ADGRD1: variants seen among roughly 807,000 people sequenced by gnomAD.
ADGRD1 encodes the protein adhesion G protein-coupled receptor D1, also known as G-protein coupled receptor 133.
A neutral mutation model predicts 113.4 loss-of-function variants in ADGRD1; 77 were observed. The observed-to-expected ratio is 0.68, with a 90% confidence interval of 0.57 to 0.82. The LOEUF is 0.82. Among genes scored for constraint, ADGRD1 ranks in the 40% least tolerant of loss-of-function variants. ADGRD1 has a pLI of 0.00. For missense variants in ADGRD1, 1,036 were observed against 1,139.1 expected (o/e 0.91, Z 1.30); for synonymous variants, 474 against 475.0 (o/e 1.00, Z 0.03).
intron 4 of ADGRD1, among the ~76,000 whole-genome samples, chr12:130,975,549 C>A (rs1186054097): frequency 1.3e-5 from 2 of 152,110 alleles, no homozygotes; most frequent in Admixed American, 6.5e-5. Context: ...AAGCATGTTG[C>A]TAGGAGGTAG....
chr12:131,033,719 G>GT (rs1881062980), intron 13 of ADGRD1, among the ~76,000 whole-genome samples: 1 of 152,200 alleles, frequency 6.6e-6, no homozygotes, highest in Admixed American at 6.5e-5. Context: ...GGATGTGGTG[G>GT]TTGCCAGGTC....
rs1566038802 is a variant in ADGRD1 at position 131,022,877 on chromosome 12, C to CGCGT, written c.1473+8539_1473+8540insGTGC. On this transcript the variant is annotated intron_variant, in intron 13 of 24. Transcript: ENST00000261654. This position sits in a 1 kb window ranked among gnomAD's most constrained non-coding sequence, Gnocchi z 4.6. ...GTGTGTGTGTGCTCTCAGAAGCACA[C>CGCGT]GCATGCACCTGCATCTTCCTGCATT... 125 of 151,806 alleles carry CGCGT rather than the reference C, an allele frequency of 8.2e-4. No homozygotes were observed. Among genetic ancestry groups the CGCGT allele is most frequent in the African/African-American group, 2.9e-3 (118 of 41,370 alleles). The allele number at this position is 151,806 out of a possible 1,614,324, so 9.4% of individuals were successfully genotyped here.
chr12:130,992,530 T>G (rs2030880), intron 8 of ADGRD1, 138 bp downstream of exon 8: 2 of 738,876 alleles, frequency 2.7e-6, no homozygotes, highest in Middle Eastern at 3.9e-4. Flanking sequence ...AGGCTTCTCA[T>G]GAACAACCAG....
chr12:131,120,010 G>A (rs1950554788), intron 19 of ADGRD1, among the ~76,000 whole-genome samples: 1 of 152,240 alleles, frequency 6.6e-6, no homozygotes, highest in African/African-American at 2.4e-5. Context: ...TGATCATAGC[G>A]CCCACCTCAG....
Position 131,123,714 on chromosome 12 carries a change from C to T in ADGRD1, c.2175+2801C>T, listed in dbSNP as rs955840937. On this transcript the variant is annotated intron_variant, in intron 20 of 24. Transcript: ENST00000261654. ...GCGGGTGCCTGTAGTCCCAGCTACT[C>T]GGGAGGCTGAGGCAGGAAAATGGCG... is the stretch of plus-strand genomic sequence containing the variant. Among the ~76,000 whole-genome samples the T allele has an allele frequency of 9.2e-5, 14 of 151,388 alleles. No homozygotes were observed. In the South Asian group the frequency reaches 1.5e-3, roughly 16 times the overall value.
chr12:131,138,287 T>C, intron 24 of ADGRD1, 58 bp downstream of exon 24: 1 of 1,478,580 alleles, frequency 6.8e-7, no homozygotes, highest in East Asian at 2.3e-5. Flanking sequence ...CCAGGCTCGG[T>C]TGTCAGCAGG....
At chr12:130,960,778 A>G (rs894341921) in intron 2 of ADGRD1, among the ~76,000 whole-genome samples, 2 of 152,154 alleles carry the variant, frequency 1.3e-5, no homozygotes, top group African/African-American at 4.8e-5. Context: ...ACACACAAAT[A>G]TACTAACAAA....
intron 8 of ADGRD1, among the ~76,000 whole-genome samples, chr12:130,995,925 C>T (rs1875242634): frequency 6.6e-6 from 1 of 151,688 alleles, no homozygotes; most frequent in African/African-American, 2.4e-5. Flanking sequence ...GACCCTGCGG[C>T]CTTCCGCAGT....
intron 20 of ADGRD1, among the ~76,000 whole-genome samples, chr12:131,123,189 C>T (rs1950646123): frequency 6.6e-6 from 1 of 151,454 alleles, no homozygotes; most frequent in Admixed American, 6.6e-5. Flanking sequence ...GGACTACAGG[C>T]AGGTGCCACC....
intron 2 of ADGRD1, among the ~76,000 whole-genome samples, chr12:130,958,283 T>A (rs1869912153): frequency 6.7e-6 from 1 of 148,838 alleles, no homozygotes; most frequent in Non-Finnish European, 1.5e-5. Flanking sequence ...CCCTGCAACC[T>A]CTGCCCCCTG....
chr12:130,986,930 G>C, intron 5 of ADGRD1, 165 bp from the exon 6 acceptor site: 1 of 613,876 alleles, frequency 1.6e-6, no homozygotes, highest in African/African-American at 1.8e-5. Flanking sequence ...TGCTCCAAAG[G>C]ACTGGGGAAA....
rs1274263460 is a variant in ADGRD1 at position 131,041,184 on chromosome 12, T to C, written c.1473+26844T>C. 6.6e-6 allele frequency among the ~76,000 whole-genome samples: 1 copy of C among 152,144 alleles called. No individual in the cohort carries two copies. The highest frequency in any genetic ancestry group is 6.5e-5 in the Admixed American group (1 of 15,286). On this transcript the variant is annotated intron_variant, in intron 13 of 24. Coordinates refer to ENST00000261654, the MANE Select transcript of ADGRD1 (RefSeq NM_198827.5). This position sits in a 1 kb window ranked among gnomAD's most constrained non-coding sequence, Gnocchi z 4.4. The stretch of plus-strand genomic sequence containing the variant: ...ACTGAGCACAGAAAATCGGGGGTCT[T>C]GGTGCTGGCCACTGGCGCAGAGAAT...
intron 24 of ADGRD1, 124 bp downstream of exon 24, chr12:131,138,353 T>C (rs1382167605): frequency 1.5e-5 from 11 of 737,790 alleles, no homozygotes; most frequent in Non-Finnish European, 2.6e-5. Context: ...TTTGTCCCCC[T>C]CTCATGCCTG....
chr12:130,992,101 A>G, intron 7 of ADGRD1, 136 bp from the exon 8 acceptor site: 1 of 645,412 alleles, frequency 1.5e-6, no homozygotes, highest in East Asian at 2.8e-5. Context: ...AGCCTGGGCA[A>G]CAGAGCAAGA....
intron 18 of ADGRD1, among the ~76,000 whole-genome samples, chr12:131,114,565 G>T (rs940564090): frequency 2.6e-5 from 4 of 152,240 alleles, no homozygotes; most frequent in Admixed American, 6.5e-5. Flanking sequence ...AAGTCGGGGG[G>T]GTCTGCAGGC....
chr12:131,044,775 T>C (rs981649935), intron 13 of ADGRD1, among the ~76,000 whole-genome samples: 3 of 152,200 alleles, frequency 2.0e-5, no homozygotes, highest in Non-Finnish European at 4.4e-5. Context: ...GCTGCCAGTG[T>C]GGTTCTGAGC....
chr12:131,123,043 T>TG, intron 20 of ADGRD1, among the ~76,000 whole-genome samples: 1 of 72,620 alleles, frequency 1.4e-5, no homozygotes, highest in Non-Finnish European at 2.6e-5. Context: ...TGGGGAGTTT[T>TG]TTTTTTTTTT....
At chr12:131,118,510 G>C in intron 19 of ADGRD1, 59 bp downstream of exon 19, 2 of 1,316,280 alleles carry the variant, frequency 1.5e-6, no homozygotes, top group South Asian at 2.6e-5. Context: ...CTTGTGGCGA[G>C]AGCCCCGTGG....
In ADGRD1 at chr12:130,954,482, G is replaced by A. The variant is rs1269659912; in HGVS notation, c.17G>A (p.Arg6Gln). ...GAGAGAGCCATGGAAAAGCTGCTGC[G>A]GCTGTGCTGCTGGTACTCCTGGCTG... Reference protein sequence around the residue: MEKLLRLCCWYSWLLL... With the variant: MEKLLQLCCWYSWLLL... The change falls in exon 1 of 25, where the codon CGG (arginine) becomes CAG (glutamine). Residue 6 changes from arginine (R) to glutamine (Q), a missense_variant. Coordinates refer to ENST00000261654, the MANE Select transcript of ADGRD1 (RefSeq NM_198827.5). The surrounding 1 kb of genome is among the most constrained non-coding windows in gnomAD (Gnocchi z 4.7). 13 of 1,551,812 alleles carry A rather than the reference G, an allele frequency of 8.4e-6. No individual in the cohort carries two copies. Among genetic ancestry groups the A allele is most frequent in the East Asian group, 2.4e-5 (1 of 42,358 alleles).
Sources: gnomAD v4.1 joint callset for allele counts (sites outside exome capture counted in the v4.1 genomes callset) on GRCh38, gnomAD v4.1.1 for gene constraint, Gnocchi (gnomAD v3.1) non-coding constraint, MANE v1.5 for transcripts, NCBI Gene and HGNC (gene_info 2026-07-23, HGNC 2026-07-21) for gene names.